TEX10: variants seen among roughly 807,000 people sequenced by gnomAD.
TEX10 encodes the protein testis expressed 10, also known as testis-expressed protein 10.
In TEX10, 24 loss-of-function variants were observed where a neutral mutation model predicts 104.4. That is an observed-to-expected ratio of 0.23 (90% CI 0.17 to 0.32). TEX10 has a LOEUF of 0.32. TEX10 is among the 10% of genes least tolerant of loss of function. TEX10 has a pLI of 1.00. For missense variants in TEX10, 921 were observed against 1,083.9 expected (o/e 0.85, Z 2.11); for synonymous variants, 396 against 393.4 (o/e 1.01, Z -0.08).
chr9:100,303,733 C>G lies in TEX10; in HGVS notation c.2575G>C (p.Val859Leu), dbSNP rs147607327. Residue 859 changes from valine (V) to leucine (L), a missense_variant, in exon 14 of 15, where the codon GTT (valine) becomes CTT (leucine). By Grantham distance (32) the Val-to-Leu change is conservative (BLOSUM62 1). This residue lies in a region of TEX10 where 753 missense variants were observed against 868.4 expected (regional missense o/e 0.87). Coordinates refer to ENST00000374902, the MANE Select transcript of TEX10 (RefSeq NM_017746.4). The stretch of plus-strand genomic sequence containing the variant: ...AGCAGTCGAAGCAGCTGGCCCACAA[C>G]AGGCAGCTCCTCAGGCCCAACTCTG... ...VNRVGPEELP[V>L]VGQLLRLLLQ... 6.2e-7 allele frequency: 1 copy of G among 1,614,126 alleles called. No homozygotes were observed. Among genetic ancestry groups the G allele is most frequent in the Non-Finnish European group, 8.5e-7 (1 of 1,180,020 alleles).
At chr9:100,328,046 TTAAA>T (rs143830136) in intron 7 of TEX10, 84 bp from the exon 8 acceptor site, 167,693 of 1,135,632 alleles carry the variant, frequency 0.15, 12,987 homozygotes, top group African/African-American at 0.16. Flanking sequence ...TTTTTTTAAC[TTAAA>T]TATATCACAA....
intron 7 of TEX10, 36 bp from the exon 8 acceptor site, chr9:100,327,998 C>G: frequency 1.4e-6 from 2 of 1,434,752 alleles, no homozygotes. Flanking sequence ...ATGTAATACT[C>G]AAAGACAAGG....
At chr9:100,351,712 C>T (rs1464365743) in intron 1 of TEX10, among the ~76,000 whole-genome samples, 1 of 152,210 alleles carries the variant, frequency 6.6e-6, no homozygotes, top group Non-Finnish European at 1.5e-5. Flanking sequence ...AATGCTTTCT[C>T]TGTTAGGAAA....
chr9:100,352,379 T>G (rs1300615254), intron 1 of TEX10: 1 of 1,551,588 alleles, frequency 6.4e-7, no homozygotes, highest in Admixed American at 2.0e-5. Context: ...TCATCCCCAC[T>G]CCGTATTCGG....
intron 5 of TEX10, among the ~76,000 whole-genome samples, chr9:100,338,430 C>T (rs990228060): frequency 4.6e-5 from 7 of 152,194 alleles, no homozygotes; most frequent in Non-Finnish European, 8.8e-5. Context: ...GAGGAGCATA[C>T]CCTTCTGAGA....
At position 100,329,914 on chromosome 9, in the gene TEX10, A is replaced by C. The variant is rs898635919; in HGVS notation, c.1489+17T>G. ...AAGAGCTCCACTCTTAAATAAGGGC[A>C]AAGTAGCATCACCTACCTCTGTTTG... On this transcript the variant is annotated intron_variant, in intron 6 of 14. Coordinates refer to ENST00000374902, the MANE Select transcript of TEX10 (RefSeq NM_017746.4). 4.4e-6 allele frequency: 7 copies of C among 1,589,980 alleles called. No individual in the cohort carries two copies. The highest frequency in any genetic ancestry group is 6.0e-6 in the Non-Finnish European group (7 of 1,165,394).
chr9:100,309,279 T>G (rs1411122483), intron 12 of TEX10, among the ~76,000 whole-genome samples: 1 of 152,196 alleles, frequency 6.6e-6, no homozygotes, highest in African/African-American at 2.4e-5. Flanking sequence ...CTAATTCATC[T>G]AGAATGTACT....
At chr9:100,329,749 T>TTA (rs1834806735) in intron 6 of TEX10, among the ~76,000 whole-genome samples, 182 bp downstream of exon 6, 1 of 152,102 alleles carries the variant, frequency 6.6e-6, no homozygotes, top group South Asian at 2.1e-4. Flanking sequence ...ACCTACCCAC[T>TTA]TAGAGATACT....
At chr9:100,315,720 G>C (rs1834399572) in intron 11 of TEX10, among the ~76,000 whole-genome samples, 1 of 151,870 alleles carries the variant, frequency 6.6e-6, no homozygotes, top group South Asian at 2.1e-4. Context: ...CTTTGATTAT[G>C]CCATCCCATT....
rs1351012449 is a variant in TEX10 at position 100,310,311 on chromosome 9, G to A, written c.2271C>T (p.Ile757=). The A allele has an allele frequency of 2.5e-6, 4 of 1,614,018 alleles. No homozygotes were observed. The Admixed American group carries it at 5.0e-5, about 20-fold the overall frequency. Residue 757 remains isoleucine (I), a synonymous_variant, in exon 12 of 15, where the codon ATC becomes ATT. Transcript: ENST00000374902. ...TAAGGATACTTACCAAATGCTTACT[G>A]ATGGCACTTTGCAAGATGTCAAAGT... ...SQNFDILQSA[I]SKHLVGLTVI...
chr9:100,338,396 A>G (rs1344696140), intron 5 of TEX10, among the ~76,000 whole-genome samples: 1 of 152,204 alleles, frequency 6.6e-6, no homozygotes, highest in Non-Finnish European at 1.5e-5. Context: ...TCTTGCTCTC[A>G]GCTAAAGATA....
In TEX10 at chr9:100,346,257, T is replaced by C; in HGVS notation, c.952A>G (p.Lys318Glu). The change falls in exon 4 of 15, where the codon AAA (lysine) becomes GAA (glutamate). Residue 318 changes from lysine (K) to glutamate (E), a missense_variant. Coordinates refer to ENST00000374902, the MANE Select transcript of TEX10 (RefSeq NM_017746.4). The stretch of plus-strand genomic sequence containing the variant: ...GGAATTATTATCTCAATAAATCCTT[T>C]CAGGTTTTCAGTAGATGACAGGCCT... ...DEGLSSTENL[K>E]GFIEIIIPLL... 6.2e-7 allele frequency: 1 copy of C among 1,614,094 alleles called. No individual in the cohort carries two copies. The highest frequency in any genetic ancestry group is 8.5e-7 in the Non-Finnish European group (1 of 1,179,960).
At chr9:100,339,245 C>CAAAAAAAAAAAAAAAAAAA (rs1182764934) in intron 5 of TEX10, among the ~76,000 whole-genome samples, 1 of 29,398 alleles carries the variant, frequency 3.4e-5, no homozygotes, top group African/African-American at 1.2e-4. Flanking sequence ...GACTCCATCT[C>CAAAAAAAAAAAAAAAAAAA]AAAAAAAAAA....
rs571926856 is a variant in TEX10 at position 100,351,374 on chromosome 9, AC to A, written c.-10+1397del. Among the ~76,000 whole-genome samples the A allele has an allele frequency of 4.2e-3, 429 of 102,852 alleles. 19 individuals carry two copies. Among genetic ancestry groups the A allele is most frequent in the Non-Finnish European group, 4.5e-3 (215 of 47,280 alleles). The allele number at this position is 102,852 out of a possible 152,430, so 67.5% of individuals were successfully genotyped here. On this transcript the variant is annotated intron_variant, in intron 1 of 14. Coordinates refer to ENST00000374902, the MANE Select transcript of TEX10 (RefSeq NM_017746.4). ...AGTTACCTTAGTCTTAAAAAACAAA[AC>A]AAAACAAAAAAAAAAGCTGGGGGTC...
At chr9:100,324,697 T>G (rs771599619) in intron 9 of TEX10, among the ~76,000 whole-genome samples, 38 of 152,198 alleles carry the variant, frequency 2.5e-4, no homozygotes, top group Non-Finnish European at 5.0e-4. Context: ...CAGATGTTGA[T>G]GAAGACATTA....
intron 9 of TEX10, among the ~76,000 whole-genome samples, chr9:100,323,361 T>G (rs1267975850): frequency 1.3e-5 from 2 of 152,140 alleles, no homozygotes; most frequent in African/African-American, 4.8e-5. Flanking sequence ...AGGTCATATG[T>G]TCACCCTATT....
Position 100,318,987 on chromosome 9 carries a change from T to C in TEX10, c.2202+1278A>G, listed in dbSNP as rs138268363. 1.7e-3 allele frequency among the ~76,000 whole-genome samples: 254 copies of C among 152,194 alleles called. 1 individual carries two copies. The highest frequency in any genetic ancestry group is 5.8e-3 in the African/African-American group (241 of 41,536). ...TGGGAGGATCACCTGAGGTTAGGAA[T>C]TCAAGACCAGCCTGACCAACATGGC... On this transcript the variant is annotated intron_variant, in intron 11 of 14. Coordinates refer to ENST00000374902, the MANE Select transcript of TEX10 (RefSeq NM_017746.4).
Position 100,349,196 on chromosome 9 carries a change from T to G in TEX10, c.168A>C (p.Lys56Asn). ...ATTTATGATTTACCTTTATGTTAAG[T>G]TTTCTATTGTTTGTTGGAAGTGTTC... ...EDGTLPTNNR[K>N]LNIKDLLSQM... Residue 56 changes from lysine (K) to asparagine (N), a missense_variant, in exon 2 of 15, where the codon AAA (lysine) becomes AAC (asparagine). Physicochemically the swap from Lys to Asn is moderately conservative, Grantham distance 94. Transcript: ENST00000374902. 6.5e-7 allele frequency: 1 copy of G among 1,544,012 alleles called. No individual in the cohort carries two copies. Among genetic ancestry groups the G allele is most frequent in the Non-Finnish European group, 8.7e-7 (1 of 1,154,076 alleles).
intron 11 of TEX10, among the ~76,000 whole-genome samples, chr9:100,311,991 TCAACAGA>T (rs1834294411): frequency 1.3e-5 from 2 of 152,038 alleles, no homozygotes. Flanking sequence ...GGGGGGGGAA[TCAACAGA>T]TCTATACATT....
Sources: allele counts gnomAD v4.1 joint callset (sites outside exome capture counted in the v4.1 genomes callset), GRCh38; gene constraint gnomAD v4.1.1; regional missense constraint gnomAD v4.1.1; transcripts MANE v1.5; gene names NCBI Gene and HGNC (gene_info 2026-07-23, HGNC 2026-07-21).